The following AHI1 variants were observed in gnomAD, a reference collection of about 807,000 sequenced individuals.
AHI1 encodes the protein Abelson helper integration site 1.
In AHI1, 123 loss-of-function variants were observed where a neutral mutation model predicts 149.3. The observed-to-expected ratio is 0.82, with a 90% CI of 0.71 to 0.96. AHI1 has a LOEUF of 0.96. AHI1 is among the 40% of genes least tolerant of loss of function. AHI1 has a pLI of 0.00. For missense variants in AHI1, 1,439 were observed against 1,422.7 expected (o/e 1.01, Z -0.18); for synonymous variants, 475 against 459.8 (o/e 1.03, Z -0.42).
At chr6:135,495,346 C>G (rs1025620117) in intron 3 of AHI1, 8 of 152,174 alleles carry the variant, frequency 5.3e-5, no homozygotes, top group Non-Finnish European at 1.0e-4. Flanking sequence ...GAAATGTCCC[C>G]TTCACACATC....
chr6:135,483,749 T>C (rs980443237), intron 5 of AHI1, among the ~76,000 whole-genome samples: 17 of 152,230 alleles, frequency 1.1e-4, no homozygotes, highest in African/African-American at 3.1e-4. Flanking sequence ...TCTTATCTAA[T>C]TCCTGATGCT....
intron 24 of AHI1, among the ~76,000 whole-genome samples, chr6:135,351,022 C>T (rs1562555169): frequency 6.6e-6 from 1 of 151,598 alleles, no homozygotes; most frequent in African/African-American, 2.4e-5. Context: ...TAGGGTTGCC[C>T]GAGATAGTCC....
intron 25 of AHI1, among the ~76,000 whole-genome samples, chr6:135,320,120 G>A (rs1269224301): frequency 1.3e-5 from 2 of 152,048 alleles, no homozygotes; most frequent in African/African-American, 4.8e-5. Flanking sequence ...CTGGGCAATT[G>A]AGTTTTTTGT....
At chr6:135,398,781 C>T (rs1779620553) in intron 22 of AHI1, among the ~76,000 whole-genome samples, 1 of 152,114 alleles carries the variant, frequency 6.6e-6, no homozygotes, top group Non-Finnish European at 1.5e-5. Flanking sequence ...AAAGAATGGA[C>T]CTCTCCCACC....
intron 24 of AHI1, among the ~76,000 whole-genome samples, chr6:135,340,194 A>G (rs1222070439): frequency 6.6e-6 from 1 of 152,118 alleles, no homozygotes; most frequent in African/African-American, 2.4e-5. Flanking sequence ...ACACGGTGAA[A>G]CCCTGTATCT....
At chr6:135,356,455 T>A (rs1304628709) in intron 24 of AHI1, among the ~76,000 whole-genome samples, 1 of 152,172 alleles carries the variant, frequency 6.6e-6, no homozygotes, top group Non-Finnish European at 1.5e-5. Context: ...AACAGACTTA[T>A]GATTCTATTT....
chr6:135,354,575 C>A (rs1347485261), intron 24 of AHI1, among the ~76,000 whole-genome samples: 4 of 152,106 alleles, frequency 2.6e-5, no homozygotes, highest in Non-Finnish European at 5.9e-5. Flanking sequence ...AAATACAGGA[C>A]TCAAACTTGT....
rs781584615 is a variant in AHI1, at chr6:135,411,442, G to A, written c.2867C>T (p.Pro956Leu). 1.2e-6 allele frequency: 2 copies of A among 1,613,740 alleles called. No homozygotes were observed. The highest frequency in any genetic ancestry group is 1.1e-5 in the South Asian group (1 of 91,064). The change falls in exon 21 of 29, where the codon CCC becomes CTC. Residue 956 changes from proline to leucine, a missense_variant. Pro to Leu is a moderately conservative substitution (Grantham distance 98). Coordinates refer to ENST00000265602, the MANE Select transcript of AHI1 (RefSeq NM_001134831.2). Reference protein sequence around the residue: ...QDALCTCPKLPHQGSFQIDEF... With the variant: ...QDALCTCPKLLHQGSFQIDEF... ...ATCAATCTGAAAAGAGCCTTGATGGGGTAGTTTTGGACAGGTACATAGGGC... is the reference window on the plus strand; with the variant it reads ...ATCAATCTGAAAAGAGCCTTGATGGAGTAGTTTTGGACAGGTACATAGGGC...
intron 24 of AHI1, chr6:135,323,525 G>T (rs1037470438): frequency 1.4e-5 from 6 of 438,458 alleles, no homozygotes; most frequent in African/African-American, 2.0e-5. Flanking sequence ...GTGGGATTGA[G>T]AAATGGTTAC....
chr6:135,341,725 G>C (rs1392298659), intron 24 of AHI1, among the ~76,000 whole-genome samples: 4 of 151,656 alleles, frequency 2.6e-5, no homozygotes, highest in Non-Finnish European at 5.9e-5. Flanking sequence ...TAACCACTGG[G>C]TCCAAAAATA....
intron 23 of AHI1, among the ~76,000 whole-genome samples, chr6:135,383,579 T>C (rs550258013): frequency 6.6e-6 from 1 of 152,124 alleles, no homozygotes; most frequent in African/African-American, 2.4e-5. Context: ...GTATGAGTCA[T>C]CTTGCTCAGC....
chr6:135,392,436 A>G lies in AHI1; in HGVS notation c.3109+2340T>C, dbSNP rs141243916. Among the ~76,000 whole-genome samples the G allele has an allele frequency of 2.6e-5, 4 of 152,318 alleles. No individual in the cohort carries two copies. In the East Asian group the frequency reaches 5.8e-4, roughly 22 times the overall value. On this transcript the variant is annotated intron_variant, in intron 23 of 28. Transcript: ENST00000265602. ...CACTCTAGCATGTAAACCCACTTAC[A>G]TATATATAAAATCAACCCCTACTCT...
chr6:135,389,307 TAAA>T lies in AHI1; in HGVS notation c.3109+5466_3109+5468del, dbSNP rs773530746. Among the ~76,000 whole-genome samples the T allele has an allele frequency of 2.8e-3, 270 of 96,892 alleles. 2 individuals are homozygous for T. The highest frequency in any genetic ancestry group is 9.7e-3 in the African/African-American group (250 of 25,688). The allele number at this position is 96,892 out of a possible 152,430, so 63.6% of individuals were successfully genotyped here. Reference sequence around the variant, plus strand: ...CTGGGTGACAGAGCAAGACTCTGTCTAAAAAAAAAAAAAAAAAAAAAATACAGT... The same window carrying T: ...CTGGGTGACAGAGCAAGACTCTGTCTAAAAAAAAAAAAAAAAAAATACAGT... On this transcript the variant is annotated intron_variant, in intron 23 of 28. Transcript: ENST00000265602.
At chr6:135,440,502 T>A (rs1220736194) in intron 14 of AHI1, among the ~76,000 whole-genome samples, 1 of 152,104 alleles carries the variant, frequency 6.6e-6, no homozygotes, top group East Asian at 1.9e-4. Context: ...GTGAAGGGAA[T>A]ATGCACAACC....
chr6:135,405,859 CAAAA>C (rs543403253), intron 21 of AHI1, among the ~76,000 whole-genome samples: 1 of 29,438 alleles, frequency 3.4e-5, no homozygotes, highest in Non-Finnish European at 7.4e-5. Context: ...GACTCCAACT[CAAAA>C]AAAAAAAAAA....
chr6:135,330,615 T>C (rs906967337), intron 24 of AHI1, among the ~76,000 whole-genome samples: 4 of 152,198 alleles, frequency 2.6e-5, no homozygotes, highest in African/African-American at 7.2e-5. Context: ...AAACCGGCAA[T>C]ATCTTCAAGG....
At chr6:135,496,022 AT>A (rs2128141149) in intron 2 of AHI1, 124 bp from the exon 3 acceptor site, 1 of 152,374 alleles carries the variant, frequency 6.6e-6, no homozygotes, top group South Asian at 2.1e-4. Flanking sequence ...TATAAATCAT[AT>A]ACTTATTTAC....
At chr6:135,483,436 G>A (rs1295139306) in intron 5 of AHI1, among the ~76,000 whole-genome samples, 3 of 152,108 alleles carry the variant, frequency 2.0e-5, no homozygotes, top group Middle Eastern at 3.2e-3. Flanking sequence ...ATAAGATGAA[G>A]AAGCTATCAC....
intron 24 of AHI1, among the ~76,000 whole-genome samples, chr6:135,347,964 T>C (rs974628541): frequency 5.9e-4 from 90 of 152,302 alleles, no homozygotes; most frequent in African/African-American, 2.0e-3. Context: ...AAGGGTTTTT[T>C]CCCCCTCTAC....
Sources: gnomAD v4.1 joint callset for allele counts (sites outside exome capture counted in the v4.1 genomes callset) on GRCh38, gnomAD v4.1.1 for gene constraint, MANE v1.5 for transcripts, NCBI Gene and HGNC (gene_info 2026-07-23, HGNC 2026-07-21) for gene names.